The following SGCD variants were observed in gnomAD, a reference collection of about 807,000 sequenced individuals.
The protein encoded by SGCD is delta-sarcoglycan.
A neutral mutation model predicts 36.6 loss-of-function variants in SGCD; 18 were observed. That is an observed-to-expected ratio of 0.49 (90% CI 0.34 to 0.73). The LOEUF is 0.73. SGCD is among the 30% of genes least tolerant of loss of function. The pLI, the probability that SGCD is intolerant of heterozygous loss-of-function variation, is 0.01. For missense variants in SGCD, 387 were observed against 346.7 expected (o/e 1.12, Z -0.92); for synonymous variants, 133 against 130.6 (o/e 1.02, Z -0.12).
intron 1 of SGCD, among the ~76,000 whole-genome samples, chr5:156,086,871 C>T (rs953605391): frequency 6.6e-6 from 1 of 152,150 alleles, no homozygotes; most frequent in Non-Finnish European, 1.5e-5. Flanking sequence ...GCAGCTAATT[C>T]CATTCTCTTC....
the SGCD span, among the ~76,000 whole-genome samples, chr5:155,770,045 GTGAT>G: frequency 6.6e-6 from 1 of 151,878 alleles, no homozygotes; most frequent in Admixed American, 6.6e-5. Flanking sequence ...TATAGTTATG[GTGAT>G]TGTACTACTC....
chr5:156,595,690 G>A (rs1043747593), intron 6 of SGCD, among the ~76,000 whole-genome samples: 1 of 152,172 alleles, frequency 6.6e-6, no homozygotes, highest in African/African-American at 2.4e-5. Flanking sequence ...CGTGCTTGAC[G>A]CATTCCAGAC....
intron 3 of SGCD, among the ~76,000 whole-genome samples, chr5:156,405,544 G>C (rs533224006): frequency 6.6e-6 from 1 of 152,242 alleles, no homozygotes; most frequent in East Asian, 1.9e-4. Flanking sequence ...CAGTAAAATT[G>C]CCAAGTCTAG....
the SGCD span, among the ~76,000 whole-genome samples, chr5:155,760,287 CTAT>C: frequency 1.7e-5 from 2 of 120,450 alleles, no homozygotes; most frequent in East Asian, 2.8e-4. Flanking sequence ...CTCCATCACC[CTAT>C]TCATCATCCT....
At chr5:155,730,642 A>G in the SGCD span, among the ~76,000 whole-genome samples, 1 of 152,162 alleles carries the variant, frequency 6.6e-6, no homozygotes, top group African/African-American at 2.4e-5. Flanking sequence ...GCGCTGCCAC[A>G]TCGCTGCCGA....
chr5:155,969,916 T>C (rs1369601688), intron 1 of SGCD, among the ~76,000 whole-genome samples: 2 of 152,130 alleles, frequency 1.3e-5, no homozygotes, highest in Non-Finnish European at 2.9e-5. Flanking sequence ...GGATAATTTC[T>C]AAAACTCTTT....
chr5:156,443,586 C>G (rs1753599691), intron 3 of SGCD, among the ~76,000 whole-genome samples: 1 of 152,026 alleles, frequency 6.6e-6, no homozygotes, highest in Non-Finnish European at 1.5e-5. Flanking sequence ...CAGCCTGGGT[C>G]ACTGCTAATT....
At chr5:156,568,994 AC>A (rs1759609291) in intron 4 of SGCD, among the ~76,000 whole-genome samples, 1 of 152,116 alleles carries the variant, frequency 6.6e-6, no homozygotes, top group African/African-American at 2.4e-5. Flanking sequence ...CTTGGTTTTC[AC>A]CTTTTTCAAT....
intron 3 of SGCD, among the ~76,000 whole-genome samples, chr5:156,165,897 G>A (rs956489604): frequency 3.3e-5 from 5 of 152,326 alleles, no homozygotes; most frequent in Non-Finnish European, 4.4e-5. Context: ...GTAGACTAGT[G>A]TGTCTTGCAA....
chr5:156,319,625 G>A (rs905297330), intron 3 of SGCD, among the ~76,000 whole-genome samples: 1 of 152,208 alleles, frequency 6.6e-6, no homozygotes, highest in African/African-American at 2.4e-5. Context: ...AGTGAGTGAA[G>A]AGGTGATACA....
At chr5:155,986,630 T>C (rs1043683120) in intron 1 of SGCD, among the ~76,000 whole-genome samples, 2 of 152,292 alleles carry the variant, frequency 1.3e-5, no homozygotes, top group African/African-American at 2.4e-5. Context: ...GGATTGATCA[T>C]GTGTAGAGAC....
chr5:155,792,240 T>C, the SGCD span, among the ~76,000 whole-genome samples: 3 of 152,126 alleles, frequency 2.0e-5, no homozygotes, highest in East Asian at 3.9e-4. Flanking sequence ...TTTCACCATA[T>C]ATAAAAATTA....
intron 1 of SGCD, among the ~76,000 whole-genome samples, chr5:156,074,819 G>A (rs113175240): frequency 0.019 from 2,818 of 152,294 alleles, 80 homozygotes; most frequent in African/African-American, 0.064. Flanking sequence ...AGGATAAACA[G>A]GTGTGCTAAC....
At chr5:155,910,746 G>A (rs1001237663) in intron 1 of SGCD, among the ~76,000 whole-genome samples, 7 of 152,114 alleles carry the variant, frequency 4.6e-5, no homozygotes, top group Admixed American at 2.6e-4. Context: ...ATAATAGAAA[G>A]AGAAGATAAA....
rs755329969 is a variant in SGCD, at chr5:156,254,568, G to A, written c.-43-74966G>A. ...TTTCTCTTTAAATCTCATATTGTTG[G>A]CCAGACATGGTGTCTCATGCCTGTT... On this transcript the variant is annotated intron_variant, in intron 3 of 9. Coordinates refer to the SGCD transcript ENST00000517913. Among the ~76,000 whole-genome samples the A allele has an allele frequency of 1.4e-4, 21 of 152,082 alleles. 1 individual carries two copies. The highest frequency in any genetic ancestry group is 2.4e-5 in the African/African-American group (1 of 41,404).
chr5:156,416,238 C>T (rs1024134311), intron 3 of SGCD, among the ~76,000 whole-genome samples: 1 of 152,152 alleles, frequency 6.6e-6, no homozygotes. Context: ...GAATTGGAGA[C>T]TATTATTCTA....
chr5:156,128,352 A>G (rs1195693695), intron 3 of SGCD, among the ~76,000 whole-genome samples: 6 of 152,232 alleles, frequency 3.9e-5, no homozygotes, highest in Admixed American at 3.9e-4. Flanking sequence ...TTGTCCAAGT[A>G]TCTGCTTTAA....
intron 7 of SGCD, among the ~76,000 whole-genome samples, chr5:156,733,048 G>T (rs1756161430): frequency 6.6e-6 from 1 of 151,858 alleles, no homozygotes; most frequent in African/African-American, 2.4e-5. Context: ...TTTTTGAAGG[G>T]TTTTTCATGT....
Position 156,497,991 on chromosome 5 carries a change from T to C in SGCD, c.193-10610T>C, listed in dbSNP as rs570295851. Among the ~76,000 whole-genome samples, 9 of 152,302 alleles carry C rather than the reference T, an allele frequency of 5.9e-5. No individual in the cohort carries two copies. In the South Asian group the frequency reaches 6.2e-4, roughly 11 times the overall value. ...TGATCACAAAACATTCTCTGTGTCT[T>C]ATTCAGCTCTGGCTTGCTTCACTCT... is the stretch of plus-strand genomic sequence containing the variant. On this transcript the variant is annotated intron_variant, in intron 3 of 8. Transcript: ENST00000337851.
Sources: gnomAD v4.1 joint callset for allele counts (sites outside exome capture counted in the v4.1 genomes callset) on GRCh38, gnomAD v4.1.1 for gene constraint, MANE v1.5 for transcripts, NCBI Gene and HGNC (gene_info 2026-07-23, HGNC 2026-07-21) for gene names.